SPATS2: variants seen among roughly 807,000 people sequenced by gnomAD.
SPATS2 encodes spermatogenesis-associated serine-rich protein 2.
In SPATS2, 38 loss-of-function variants were observed where a neutral mutation model predicts 63.7. The observed-to-expected ratio is 0.60, with a 90% CI of 0.46 to 0.78. SPATS2 has a LOEUF of 0.78. Among genes scored for constraint, SPATS2 ranks in the 30% least tolerant of loss-of-function variants. SPATS2 has a pLI of 0.00. For synonymous variants in SPATS2, 207 were observed against 232.9 expected, an observed-to-expected ratio of 0.89 and a Z score of 1.01; for missense variants, 588 against 666.2, an observed-to-expected ratio of 0.88 and a Z score of 1.29.
chr12:49,462,506 G>A (rs1162024641), intron 3 of SPATS2: 1 of 696,552 alleles, frequency 1.4e-6, no homozygotes, highest in Non-Finnish European at 2.6e-6. Flanking sequence ...CCCCCCGTGT[G>A]TGGGGTGGCT....
intron 2 of SPATS2, among the ~76,000 whole-genome samples, chr12:49,413,793 G>C (rs1005527533): frequency 1.3e-5 from 2 of 151,970 alleles, no homozygotes; most frequent in African/African-American, 4.8e-5. Flanking sequence ...AACAGACAGG[G>C]CATCTCCCCC....
At chr12:49,381,505 C>A (rs1182639623) in intron 2 of SPATS2, among the ~76,000 whole-genome samples, 1 of 152,038 alleles carries the variant, frequency 6.6e-6, no homozygotes, top group Admixed American at 6.6e-5. Context: ...AAATTAGAAA[C>A]GTGTATACAT....
chr12:49,460,463 A>G (rs1439320058), intron 2 of SPATS2, among the ~76,000 whole-genome samples: 2 of 152,220 alleles, frequency 1.3e-5, no homozygotes, highest in Admixed American at 6.5e-5. Context: ...CTCAAAAAAA[A>G]AGAAAGATCT....
chr12:49,448,569 C>T (rs1480104349), intron 2 of SPATS2, among the ~76,000 whole-genome samples: 2 of 151,494 alleles, frequency 1.3e-5, no homozygotes, highest in African/African-American at 4.8e-5. Flanking sequence ...GGTGAAACCC[C>T]ATCTCTACAA....
chr12:49,508,933 G>A (rs903284008), intron 9 of SPATS2, among the ~76,000 whole-genome samples: 11 of 152,068 alleles, frequency 7.2e-5, no homozygotes, highest in South Asian at 2.1e-4. Context: ...GCGTGGTGGC[G>A]TGCACCTGTA....
At chr12:49,468,919 A>G (rs1399305202) in intron 3 of SPATS2, among the ~76,000 whole-genome samples, 1 of 152,198 alleles carries the variant, frequency 6.6e-6, no homozygotes, top group Non-Finnish European at 1.5e-5. Context: ...TTCTGTAACC[A>G]TTTGATTTAC....
chr12:49,388,669 C>G (rs1350843170), intron 2 of SPATS2, among the ~76,000 whole-genome samples: 1 of 150,598 alleles, frequency 6.6e-6, no homozygotes, highest in South Asian at 2.1e-4. Flanking sequence ...AGCCACCATG[C>G]CTAGCCTTGA....
intron 3 of SPATS2, 84 bp from the exon 4 acceptor site, chr12:49,484,506 G>T: frequency 7.5e-7 from 1 of 1,341,810 alleles, no homozygotes. Context: ...TTTATGGGAC[G>T]AAAGCAGCCA....
intron 8 of SPATS2, among the ~76,000 whole-genome samples, chr12:49,498,145 A>AAAAAATATATATATATATAT (rs66900382): frequency 2.8e-4 from 28 of 98,934 alleles, no homozygotes; most frequent in Admixed American, 4.1e-4. Context: ...AAAAAAAAAA[A>AAAAAATATATATATATATAT]ATATATATAT....
At chr12:49,515,647 T>A (rs1946826232) in intron 10 of SPATS2, among the ~76,000 whole-genome samples, 1 of 152,260 alleles carries the variant, frequency 6.6e-6, no homozygotes, top group South Asian at 2.1e-4. Flanking sequence ...CATTATTTTA[T>A]CTGTATATTC....
chr12:49,469,276 GCTC>G (rs1945986319), intron 3 of SPATS2, among the ~76,000 whole-genome samples: 2 of 150,804 alleles, frequency 1.3e-5, no homozygotes, highest in South Asian at 4.2e-4. Context: ...TATAATCCCA[GCTC>G]CTTGAGAGGC....
intron 2 of SPATS2, among the ~76,000 whole-genome samples, chr12:49,456,742 G>T (rs147059287): frequency 1.3e-5 from 2 of 152,258 alleles, no homozygotes; most frequent in East Asian, 3.9e-4. Flanking sequence ...GGAGGTGGTG[G>T]GGAATGAACA....
At chr12:49,448,411 TTACAGGCGTGAGCCAC>T (rs1945555570) in intron 2 of SPATS2, among the ~76,000 whole-genome samples, 2 of 152,114 alleles carry the variant, frequency 1.3e-5, no homozygotes, top group Admixed American at 6.5e-5. Context: ...AGTGCTGGGA[TTACAGGCGTGAGCCAC>T]CACGCCTGGC....
chr12:49,388,371 T>A (rs193009263), intron 2 of SPATS2, among the ~76,000 whole-genome samples: 5,052 of 151,778 alleles, frequency 0.033, 100 homozygotes, highest in South Asian at 0.046. Context: ...CTTTTTTTTT[T>A]AAAAAATAAT....
intron 2 of SPATS2, among the ~76,000 whole-genome samples, chr12:49,379,550 CAA>C (rs565753035): frequency 4.4e-5 from 2 of 45,024 alleles, no homozygotes; most frequent in Non-Finnish European, 4.4e-5. Context: ...GAATCCGTCT[CAA>C]AAAAAAAAAA....
Position 49,526,597 on chromosome 12 carries a change from C to A in SPATS2, c.*342C>A. 1 of 247,534 alleles carries A rather than the reference C, an allele frequency of 4.0e-6. No individual in the cohort carries two copies. Among genetic ancestry groups the A allele is most frequent in the Non-Finnish European group, 7.8e-6 (1 of 129,008 alleles). The allele number at this position is 247,534 out of a possible 1,614,324, so 15.3% of individuals were successfully genotyped here. A position where few individuals can be genotyped will look rare whatever the true frequency, so the allele number is the denominator to read the frequency against. The stretch of plus-strand genomic sequence containing the variant: ...AGGTGAATCAGAGCTAGTCTGTCAC[C>A]TTTCCAATCTAAGCCGAAGCCACAG... On this transcript the variant is annotated 3_prime_UTR_variant, in exon 14 of 14. Transcript: ENST00000552918.
intron 10 of SPATS2, among the ~76,000 whole-genome samples, chr12:49,516,156 AAAAAAAAAAAATATATATATAT>A (rs1946838556): frequency 2.4e-5 from 1 of 41,330 alleles, no homozygotes; most frequent in African/African-American, 1.1e-4. Flanking sequence ...AAAAAAAAAA[AAAAAAAAAAAATATATATATAT>A]ATATATATAT....
chr12:49,452,144 T>A (rs1713826781), intron 2 of SPATS2, among the ~76,000 whole-genome samples: 1 of 152,198 alleles, frequency 6.6e-6, no homozygotes, highest in Admixed American at 6.5e-5. Context: ...GTAGATACAT[T>A]TAAAAAAAAT....
At chr12:49,389,772 T>C (rs1306992227) in intron 2 of SPATS2, 3 of 1,216,998 alleles carry the variant, frequency 2.5e-6, no homozygotes, top group Non-Finnish European at 3.7e-6. Flanking sequence ...AAGAAAAGAA[T>C]TGCGTACATC....
Sources: allele counts gnomAD v4.1 joint callset (sites outside exome capture counted in the v4.1 genomes callset), GRCh38; gene constraint gnomAD v4.1.1; transcripts MANE v1.5; gene names NCBI Gene and HGNC (gene_info 2026-07-23, HGNC 2026-07-21).